The following CADPS variants were observed in gnomAD, a reference collection of about 807,000 sequenced individuals.
The protein encoded by CADPS is calcium-dependent secretion activator 1.
Under a neutral mutation model 167.3 loss-of-function variants are expected in CADPS, and 57 were observed. That is an observed-to-expected ratio of 0.34 (90% confidence interval 0.28 to 0.42). The LOEUF is 0.42. CADPS is among the 20% of genes least tolerant of loss of function. The pLI, the probability that CADPS is intolerant of heterozygous loss-of-function variation, is 1.00. For missense variants in CADPS, 1,414 were observed against 1,738.1 expected (o/e 0.81, Z 3.32); for synonymous variants, 676 against 635.3 (o/e 1.06, Z -0.96).
intron 3 of CADPS, among the ~76,000 whole-genome samples, chr3:62,707,056 A>G (rs1453349156): frequency 6.6e-6 from 1 of 152,122 alleles, no homozygotes; most frequent in African/African-American, 2.4e-5. Flanking sequence ...GGACTTCAAC[A>G]TATGAATTTT....
At chr3:62,723,617 T>C (rs935488051) in intron 3 of CADPS, among the ~76,000 whole-genome samples, 3 of 152,208 alleles carry the variant, frequency 2.0e-5, no homozygotes, top group South Asian at 2.1e-4. Flanking sequence ...AGGGGAAATA[T>C]ATCCCTCTAA....
rs781377421 is a variant in CADPS, at chr3:62,474,310, C to T, written c.3340G>A (p.Ala1114Thr). The change falls in exon 24 of 30, where the codon GCA becomes ACA. Residue 1114 changes from alanine (A) to threonine (T), a missense_variant. Physicochemically the swap from Ala to Thr is moderately conservative, Grantham distance 58. Coordinates refer to ENST00000383710, the MANE Select transcript of CADPS (RefSeq NM_003716.4). ...GTTTTTTGCAGCTTAACTTCAAATGCAATCCTGGTTCTATTAAAACAAAGT... is the reference window on the plus strand; with the variant it reads ...GTTTTTTGCAGCTTAACTTCAAATGTAATCCTGGTTCTATTAAAACAAAGT... ...IESCVKRTRI[A>T]FEVKLQKTSR... The T allele has an allele frequency of 6.2e-6, 10 of 1,613,414 alleles. No individual in the cohort carries two copies. In the African/African-American group the frequency reaches 1.1e-4, roughly 17 times the overall value.
At position 62,854,628 on chromosome 3, in the gene CADPS, CA is replaced by C. The variant is rs79406581; in HGVS notation, c.441+19960del. On this transcript the variant is annotated intron_variant, in intron 1 of 29. Coordinates refer to ENST00000383710, the MANE Select transcript of CADPS (RefSeq NM_003716.4). ...ACTGGGTGGAGAAAAATCTAGGTTG[CA>C]AAAGATTGCATGTTATCTTCTGGTT... Among the ~76,000 whole-genome samples the C allele has an allele frequency of 2.6e-4, 39 of 152,226 alleles. No homozygotes were observed. The East Asian group carries it at 6.8e-3, about 26-fold the overall frequency.
intron 7 of CADPS, among the ~76,000 whole-genome samples, chr3:62,587,686 G>A (rs762021431): frequency 2.6e-4 from 39 of 152,202 alleles, no homozygotes; most frequent in Admixed American, 6.5e-4. Flanking sequence ...GATTCTGGGC[G>A]TGCTTCCCAC....
intron 1 of CADPS, among the ~76,000 whole-genome samples, chr3:62,810,422 A>C (rs2152862271): frequency 6.6e-6 from 1 of 152,228 alleles, no homozygotes; most frequent in East Asian, 1.9e-4. Context: ...CATCATCATC[A>C]TTCATGAGTA....
intron 21 of CADPS, among the ~76,000 whole-genome samples, chr3:62,488,063 T>A (rs752724336): frequency 1.7e-4 from 26 of 152,140 alleles, no homozygotes; most frequent in Non-Finnish European, 3.2e-4. Flanking sequence ...AAAGAAAGGC[T>A]GTGTGTGTGT....
rs753008027 is a variant in CADPS at position 62,875,023 on chromosome 3, C to T, written c.7G>A (p.Asp3Asn). MLDPSSSEEESDE... is the reference protein window; with the variant it reads MLNPSSSEEESDE... ...GATTCTTCTTCGCTGGACGAAGGGT[C>T]CAGCATAGTGGCGCCTGGGGAGCGG... The change falls in exon 1 of 30, where the codon GAC becomes AAC. Residue 3 changes from aspartate to asparagine, a missense_variant. Physicochemically the swap from Asp to Asn is conservative, Grantham distance 23 (BLOSUM62 1). Coordinates refer to ENST00000383710, the MANE Select transcript of CADPS (RefSeq NM_003716.4). 6.9e-6 allele frequency: 11 copies of T among 1,592,352 alleles called. No individual in the cohort carries two copies. In the Admixed American group the frequency reaches 1.7e-4, roughly 25 times the overall value.
intron 8 of CADPS, among the ~76,000 whole-genome samples, chr3:62,580,929 T>G (rs1197926938): frequency 6.6e-6 from 1 of 152,232 alleles, no homozygotes; most frequent in Non-Finnish European, 1.5e-5. Flanking sequence ...TTAGAAAATC[T>G]TATGCTGGAT....
intron 1 of CADPS, among the ~76,000 whole-genome samples, chr3:62,872,177 C>T (rs1415209828): frequency 6.6e-6 from 1 of 152,132 alleles, no homozygotes; most frequent in African/African-American, 2.4e-5. Flanking sequence ...GTTTAGTTTA[C>T]AACTAGTTTA....
intron 11 of CADPS, among the ~76,000 whole-genome samples, chr3:62,549,417 C>T (rs137973989): frequency 3.5e-5 from 5 of 141,088 alleles, no homozygotes; most frequent in South Asian, 2.3e-4. Flanking sequence ...TATTTTAGCT[C>T]GGAATGGGAT....
At chr3:62,474,937 A>AGGAGGG (rs1307529396) in intron 23 of CADPS, among the ~76,000 whole-genome samples, 1 of 152,206 alleles carries the variant, frequency 6.6e-6, no homozygotes, top group Non-Finnish European at 1.5e-5. Flanking sequence ...GCTACCTTTG[A>AGGAGGG]GGAGGGGAGG....
chr3:62,638,001 G>A (rs759742828), intron 6 of CADPS, among the ~76,000 whole-genome samples: 17 of 151,028 alleles, frequency 1.1e-4, no homozygotes, highest in African/African-American at 3.7e-4. Context: ...TGTCCCCTTC[G>A]TCCATCTAAA....
chr3:62,436,919 A>G (rs2055189764), intron 28 of CADPS, among the ~76,000 whole-genome samples: 1 of 152,132 alleles, frequency 6.6e-6, no homozygotes, highest in Non-Finnish European at 1.5e-5. Context: ...ATGAGCTGGA[A>G]GTCAAAGCAT....
chr3:62,546,830 G>A (rs1001875499), intron 11 of CADPS, among the ~76,000 whole-genome samples: 1 of 152,126 alleles, frequency 6.6e-6, no homozygotes, highest in Non-Finnish European at 1.5e-5. Context: ...ATTTTATAAA[G>A]GGGATTTGAA....
chr3:62,750,691 C>T (rs1359818352), intron 3 of CADPS, among the ~76,000 whole-genome samples: 1 of 152,182 alleles, frequency 6.6e-6, no homozygotes, highest in South Asian at 2.1e-4. Flanking sequence ...CTTTGCCTGT[C>T]CAGTACCTTT....
intron 27 of CADPS, 39 bp downstream of exon 27, chr3:62,445,726 A>C (rs966383523): frequency 2.8e-5 from 33 of 1,197,474 alleles, no homozygotes; most frequent in African/African-American, 1.6e-4. Context: ...AAAAAAAAAA[A>C]CAAAAAAACC....
intron 6 of CADPS, among the ~76,000 whole-genome samples, chr3:62,599,358 G>T (rs2059357846): frequency 6.7e-6 from 1 of 149,708 alleles, no homozygotes; most frequent in Admixed American, 6.8e-5. Flanking sequence ...CCAGGCCCTG[G>T]GCTTAGTGCT....
chr3:62,758,400 C>A (rs2084532309), intron 2 of CADPS, among the ~76,000 whole-genome samples: 1 of 152,156 alleles, frequency 6.6e-6, no homozygotes, highest in South Asian at 2.1e-4. Context: ...CCAATGGAGA[C>A]AAGACAGCCA....
At chr3:62,791,599 T>C (rs2092951291) in intron 1 of CADPS, among the ~76,000 whole-genome samples, 1 of 152,196 alleles carries the variant, frequency 6.6e-6, no homozygotes. Context: ...CAACTTTCCA[T>C]TTCATTGCAT....
Sources: gnomAD v4.1 joint callset for allele counts (sites outside exome capture counted in the v4.1 genomes callset) on GRCh38, gnomAD v4.1.1 for gene constraint, MANE v1.5 for transcripts, NCBI Gene and HGNC (gene_info 2026-07-23, HGNC 2026-07-21) for gene names.